Variants in ROBO1 observed in about 807,000 individuals in gnomAD.
ROBO1 encodes the protein roundabout guidance receptor 1.
A neutral mutation model predicts 195.9 loss-of-function variants in ROBO1; 149 were observed. The observed-to-expected ratio is 0.76, with a 90% confidence interval of 0.67 to 0.87. The LOEUF is 0.87. Ranked by LOEUF, ROBO1 falls within the 40% of genes least tolerant of loss-of-function variation. The probability of loss-of-function intolerance (pLI) is 0.00; values close to 1 mark genes in which losing one functional copy is unlikely to be tolerated. For synonymous variants in ROBO1, 816 were observed against 733.2 expected, an observed-to-expected ratio of 1.11 and a Z score of -1.82; for missense variants, 1,933 against 2,068.3, an observed-to-expected ratio of 0.93 and a Z score of 1.27.
At chr3:79,026,995 T>C (rs1470704624) in intron 3 of ROBO1, among the ~76,000 whole-genome samples, 2 of 152,116 alleles carry the variant, frequency 1.3e-5, no homozygotes, top group Non-Finnish European at 2.9e-5. Context: ...TCATTATGTT[T>C]AGTCCCACCT....
At chr3:79,432,779 C>T (rs761615887) in intron 2 of ROBO1, among the ~76,000 whole-genome samples, 8 of 151,996 alleles carry the variant, frequency 5.3e-5, no homozygotes, top group South Asian at 2.1e-4. Context: ...AAAATCAATG[C>T]CACAATATTT....
At chr3:79,757,236 A>C (rs908519504) in intron 1 of ROBO1, among the ~76,000 whole-genome samples, 9 of 152,150 alleles carry the variant, frequency 5.9e-5, no homozygotes, top group African/African-American at 2.2e-4. Flanking sequence ...GAACCAACAT[A>C]TTATTTCCAC....
In ROBO1 at chr3:79,587,976, G is replaced by GA. The variant is rs200313052; in HGVS notation, c.88+1847dup. ...AATGTTTCTTGAACTCTGTAGTCCTGAAAAAAAAGGCATCTAACTGTATGC... is the reference window on the plus strand; with the variant it reads ...AATGTTTCTTGAACTCTGTAGTCCTGAAAAAAAAAGGCATCTAACTGTATGC... On this transcript the variant is annotated intron_variant, in intron 2 of 30. Transcript: ENST00000464233. 1.1e-3 allele frequency among the ~76,000 whole-genome samples: 173 copies of GA among 151,244 alleles called. 2 individuals carry two copies. The highest frequency in any genetic ancestry group is 2.9e-3 in the African/African-American group (121 of 41,336).
At chr3:78,775,365 C>T (rs1205615324) in intron 4 of ROBO1, among the ~76,000 whole-genome samples, 1 of 152,138 alleles carries the variant, frequency 6.6e-6, no homozygotes, top group Non-Finnish European at 1.5e-5. Flanking sequence ...CTTTTCTACA[C>T]TCATTCCTAT....
At chr3:79,393,014 T>C (rs1440632926) in intron 2 of ROBO1, among the ~76,000 whole-genome samples, 1 of 152,224 alleles carries the variant, frequency 6.6e-6, no homozygotes, top group Non-Finnish European at 1.5e-5. Flanking sequence ...CTTCCAAATA[T>C]ACTTTGTCTC....
At chr3:79,406,716 A>G (rs2037564874) in intron 2 of ROBO1, among the ~76,000 whole-genome samples, 1 of 152,038 alleles carries the variant, frequency 6.6e-6, no homozygotes, top group African/African-American at 2.4e-5. Flanking sequence ...AAGGGAAAGA[A>G]TACACTTCAC....
At chr3:79,342,377 A>G (rs2034941754) in intron 2 of ROBO1, among the ~76,000 whole-genome samples, 1 of 152,216 alleles carries the variant, frequency 6.6e-6, no homozygotes, top group Non-Finnish European at 1.5e-5. Flanking sequence ...GTCTGAAGTT[A>G]TAGAAAAAGG....
chr3:78,946,252 A>G (rs2107737413), intron 3 of ROBO1, among the ~76,000 whole-genome samples: 1 of 152,330 alleles, frequency 6.6e-6, no homozygotes, highest in East Asian at 1.9e-4. Flanking sequence ...GAAGGAAAAA[A>G]TGTTAAGGGC....
At chr3:79,076,127 A>AT (rs2079168425) in intron 3 of ROBO1, among the ~76,000 whole-genome samples, 1 of 150,610 alleles carries the variant, frequency 6.6e-6, no homozygotes, top group African/African-American at 2.4e-5. Context: ...ATGAAAACAA[A>AT]TGAGTTTATA....
At chr3:79,214,310 A>G (rs557651255) in intron 2 of ROBO1, among the ~76,000 whole-genome samples, 29 of 152,288 alleles carry the variant, frequency 1.9e-4, no homozygotes, top group Middle Eastern at 3.4e-3. Flanking sequence ...AGAAAAGGCA[A>G]GTGTAGAAGT....
At chr3:79,019,356 C>G (rs1004395334) in intron 3 of ROBO1, 1 of 985,734 alleles carries the variant, frequency 1.0e-6, no homozygotes, top group African/African-American at 1.7e-5. Context: ...AGAGAGGATG[C>G]TGCTGCGGGT....
intron 2 of ROBO1, among the ~76,000 whole-genome samples, chr3:79,325,265 T>C (rs1409824545): frequency 6.6e-6 from 1 of 152,206 alleles, no homozygotes; most frequent in East Asian, 1.9e-4. Flanking sequence ...GAATACTGCT[T>C]GAATATCCTG....
chr3:78,941,070 T>G (rs2040108627), intron 3 of ROBO1, among the ~76,000 whole-genome samples: 1 of 152,228 alleles, frequency 6.6e-6, no homozygotes, highest in Admixed American at 6.5e-5. Context: ...TTGTAACTAC[T>G]CCAATTAATG....
At chr3:78,636,526 C>A (rs1451635783) in intron 22 of ROBO1, among the ~76,000 whole-genome samples, 2 of 151,864 alleles carry the variant, frequency 1.3e-5, no homozygotes, top group Non-Finnish European at 2.9e-5. Flanking sequence ...ACAGACAAAG[C>A]ACATAAATGA....
chr3:79,363,850 TATA>T (rs2035862155), intron 2 of ROBO1, among the ~76,000 whole-genome samples: 1 of 152,166 alleles, frequency 6.6e-6, no homozygotes, highest in Admixed American at 6.5e-5. Context: ...CATAATGACA[TATA>T]TTATTATTGC....
chr3:79,587,164 G>C (rs67885345), intron 2 of ROBO1, among the ~76,000 whole-genome samples: 54,427 of 151,236 alleles, frequency 0.36, 10,022 homozygotes, highest in African/African-American at 0.44. Context: ...CATTTCATTT[G>C]CAATATTATG....
chr3:79,363,212 T>C (rs770464686), intron 2 of ROBO1, among the ~76,000 whole-genome samples: 7 of 152,284 alleles, frequency 4.6e-5, no homozygotes, highest in South Asian at 2.1e-4. Flanking sequence ...GTCTTAGCCA[T>C]GATGAGTTTT....
In ROBO1 at chr3:79,240,334, C is replaced by G. The variant is rs755025710; in HGVS notation, c.89-114795G>C. Among the ~76,000 whole-genome samples the G allele has an allele frequency of 5.3e-5, 8 of 152,128 alleles. No individual in the cohort carries two copies. In the East Asian group the frequency reaches 7.7e-4, roughly 15 times the overall value. ...CTTCTTTTTAAAAATTGAATAGTATCCTATTATGTGGCACAAATTTTTGAA... is the reference window on the plus strand; with the variant it reads ...CTTCTTTTTAAAAATTGAATAGTATGCTATTATGTGGCACAAATTTTTGAA... On this transcript the variant is annotated intron_variant, in intron 2 of 30. Coordinates refer to ENST00000464233, the MANE Select transcript of ROBO1 (RefSeq NM_002941.4).
intron 3 of ROBO1, among the ~76,000 whole-genome samples, chr3:79,069,952 T>C (rs2079059922): frequency 6.6e-6 from 1 of 151,818 alleles, no homozygotes; most frequent in East Asian, 1.9e-4. Context: ...TTTCTTAATC[T>C]TTTATTAATT....
Sources: gnomAD v4.1 joint callset for allele counts (sites outside exome capture counted in the v4.1 genomes callset) on GRCh38, gnomAD v4.1.1 for gene constraint, MANE v1.5 for transcripts, NCBI Gene and HGNC (gene_info 2026-07-23, HGNC 2026-07-21) for gene names.